Variants in LRPPRC observed in about 807,000 individuals in gnomAD.
The protein encoded by LRPPRC is leucine rich pentatricopeptide repeat containing, also known as leucine-rich PPR motif-containing protein, mitochondrial.
LRPPRC carries 120 observed loss-of-function variants against 180.3 expected under a neutral mutation model. The observed-to-expected ratio is 0.67, with a 90% CI of 0.57 to 0.77. The LOEUF (loss-of-function observed/expected upper bound fraction) is 0.77. Among genes scored for constraint, LRPPRC ranks in the 30% least tolerant of loss-of-function variants. The pLI, the probability that LRPPRC is intolerant of heterozygous loss-of-function variation, is 0.00. For synonymous variants in LRPPRC, 723 were observed against 600.0 expected (o/e 1.21, Z -3.00); for missense variants, 2,012 against 1,657.2 (o/e 1.21, Z -3.72).
intron 29 of LRPPRC, 69 bp from the exon 30 acceptor site, chr2:43,912,627 C>A: frequency 7.0e-7 from 1 of 1,432,002 alleles, no homozygotes; most frequent in Non-Finnish European, 9.8e-7. Context: ...TGGAAAAAAT[C>A]CTGAAACAAA....
chr2:43,890,579 G>A (rs1349406052), intron 36 of LRPPRC, among the ~76,000 whole-genome samples: 2 of 152,204 alleles, frequency 1.3e-5, no homozygotes, highest in Non-Finnish European at 2.9e-5. Flanking sequence ...CGGGCGTGGT[G>A]GCGGGTGTCT....
chr2:43,981,384 G>C (rs1359650438), intron 2 of LRPPRC, among the ~76,000 whole-genome samples: 1 of 152,072 alleles, frequency 6.6e-6, no homozygotes, highest in East Asian at 1.9e-4. Flanking sequence ...ATCTAGACCA[G>C]GTATGGTGGC....
chr2:43,925,796 C>T, intron 26 of LRPPRC, 97 bp downstream of exon 26: 1 of 810,256 alleles, frequency 1.2e-6, no homozygotes. Context: ...CCACAATGCC[C>T]TGTCTCTCGA....
At chr2:43,981,245 C>T (rs532099832) in intron 2 of LRPPRC, among the ~76,000 whole-genome samples, 88 of 148,728 alleles carry the variant, frequency 5.9e-4, no homozygotes, top group African/African-American at 2.3e-3. Context: ...GATCATCTTA[C>T]AGAAACCTGA....
At chr2:43,958,624 C>A (rs1018577608) in intron 13 of LRPPRC, among the ~76,000 whole-genome samples, 1 of 152,164 alleles carries the variant, frequency 6.6e-6, no homozygotes, top group African/African-American at 2.4e-5. Context: ...CCACCACATG[C>A]CTCTCAGCAG....
At chr2:43,939,732 A>C (rs1317232900) in intron 23 of LRPPRC, among the ~76,000 whole-genome samples, 2 of 152,212 alleles carry the variant, frequency 1.3e-5, no homozygotes, top group East Asian at 1.9e-4. Context: ...AATCCTCCCC[A>C]AAAAATTAAC....
At chr2:43,988,718 T>C (rs1214644408) in intron 1 of LRPPRC, among the ~76,000 whole-genome samples, 3 of 152,096 alleles carry the variant, frequency 2.0e-5, no homozygotes, top group African/African-American at 7.2e-5. Context: ...TTTTTGTTAT[T>C]TTTTTCAGTA....
intron 23 of LRPPRC, among the ~76,000 whole-genome samples, chr2:43,942,305 C>T (rs1672511304): frequency 6.6e-6 from 1 of 152,110 alleles, no homozygotes; most frequent in Non-Finnish European, 1.5e-5. Context: ...TAGAGTTGCA[C>T]ATGCAATTTG....
chr2:43,959,327 C>A, intron 13 of LRPPRC: 1 of 645,602 alleles, frequency 1.5e-6, no homozygotes, highest in Non-Finnish European at 2.8e-6. Context: ...ATTTTTCATA[C>A]TGGACACTTT....
intron 30 of LRPPRC, among the ~76,000 whole-genome samples, chr2:43,911,520 C>CTTTTTTTTTTTTTTTTTTTTTTTT (rs755010502): frequency 1.2e-4 from 14 of 113,484 alleles, no homozygotes; most frequent in East Asian, 4.3e-4. Context: ...TCTTCTTCTT[C>CTTTTTTTTTTTTTTTTTTTTTTTT]TTCTTTTTTT....
chr2:43,976,372 C>G (rs1052528182), intron 5 of LRPPRC, 143 bp from the exon 6 acceptor site: 2 of 644,302 alleles, frequency 3.1e-6, no homozygotes, highest in East Asian at 5.5e-5. Flanking sequence ...AAAGAAAGAA[C>G]TAATCCCTTT....
At chr2:43,974,852 A>G (rs1559042755) in intron 7 of LRPPRC, 94 bp from the exon 8 acceptor site, 1 of 1,276,472 alleles carries the variant, frequency 7.8e-7, no homozygotes, top group African/African-American at 1.5e-5. Flanking sequence ...AAAACTAGGG[A>G]AAAATACCAC....
At chr2:43,897,235 T>G (rs2104984864) in intron 34 of LRPPRC, among the ~76,000 whole-genome samples, 2 of 152,224 alleles carry the variant, frequency 1.3e-5, no homozygotes. Flanking sequence ...AGGCTTTCAC[T>G]GCAACAGACA....
intron 30 of LRPPRC, among the ~76,000 whole-genome samples, chr2:43,910,545 T>A (rs1301136003): frequency 1.3e-5 from 2 of 152,326 alleles, no homozygotes; most frequent in African/African-American, 4.8e-5. Flanking sequence ...TTAAATCTCT[T>A]TTTAAAAATT....
intron 36 of LRPPRC, 112 bp downstream of exon 36, chr2:43,894,433 G>A: frequency 3.1e-6 from 2 of 653,046 alleles, no homozygotes; most frequent in South Asian, 1.8e-5. Flanking sequence ...TACTGCCTTT[G>A]AGCTGAAGAC....
intron 1 of LRPPRC, among the ~76,000 whole-genome samples, chr2:43,984,122 G>A (rs1674426463): frequency 6.6e-6 from 1 of 151,898 alleles, no homozygotes; most frequent in African/African-American, 2.4e-5. Flanking sequence ...TTATCTAGTT[G>A]CTCTATCAGT....
At position 43,888,283 on chromosome 2, in the gene LRPPRC, G is replaced by A. The variant is rs192120940; in HGVS notation, c.*317C>T. On this transcript the variant is annotated 3_prime_UTR_variant, in exon 38 of 38. Transcript: ENST00000260665. ...ACTAATAAGTGAATCTTAAATAAAG[G>A]AATAACATTTTAATGAAATAAATGA... is the stretch of plus-strand genomic sequence containing the variant. 1.1e-4 allele frequency: 31 copies of A among 292,234 alleles called. No homozygotes were observed. The highest frequency in any genetic ancestry group is 6.6e-4 in the African/African-American group (30 of 45,498). 18.1% of individuals were successfully genotyped at this position (292,234 alleles called of 1,614,324 possible).
intron 23 of LRPPRC, among the ~76,000 whole-genome samples, chr2:43,941,156 CT>C (rs911559001): frequency 1.3e-5 from 2 of 152,046 alleles, no homozygotes; most frequent in East Asian, 1.9e-4. Context: ...ACCCATAAAG[CT>C]TTTTTACATT....
intron 23 of LRPPRC, among the ~76,000 whole-genome samples, chr2:43,940,638 G>A (rs1672446622): frequency 6.6e-6 from 1 of 152,044 alleles, no homozygotes; most frequent in Admixed American, 6.5e-5. Flanking sequence ...CAGTTAAACA[G>A]CTTCAGTTAT....
Sources: gnomAD v4.1 joint callset for allele counts (sites outside exome capture counted in the v4.1 genomes callset) on GRCh38, gnomAD v4.1.1 for gene constraint, MANE v1.5 for transcripts, NCBI Gene and HGNC (gene_info 2026-07-23, HGNC 2026-07-21) for gene names.